PHTF1: variants seen among roughly 807,000 people sequenced by gnomAD.
PHTF1 encodes protein PHTF1.
Under a neutral mutation model 102.4 loss-of-function variants are expected in PHTF1, and 88 were observed. The observed-to-expected ratio is 0.86, with a 90% CI of 0.72 to 1.03. PHTF1 has a LOEUF of 1.03. Among genes scored for constraint, PHTF1 ranks in the 50% least tolerant of loss-of-function variants. The pLI is 0.00. For synonymous variants in PHTF1, 289 were observed against 305.2 expected, an observed-to-expected ratio of 0.95 and a Z score of 0.55; for missense variants, 814 against 909.5, an observed-to-expected ratio of 0.89 and a Z score of 1.35.
At chr1:113,745,294 A>T (rs1394221777) in intron 3 of PHTF1, among the ~76,000 whole-genome samples, 2 of 152,140 alleles carry the variant, frequency 1.3e-5, no homozygotes, top group East Asian at 3.8e-4. Flanking sequence ...GAGAAAAATA[A>T]TCAAATTTGT....
At chr1:113,700,714 C>T (rs1649340687) in intron 16 of PHTF1, 80 bp downstream of exon 16, 2 of 1,339,864 alleles carry the variant, frequency 1.5e-6, no homozygotes, top group Admixed American at 2.0e-5. Flanking sequence ...AGTGATTAAA[C>T]CCTGAATCCT....
At chr1:113,738,837 A>G (rs962256104) in intron 3 of PHTF1, 38 bp from the exon 4 acceptor site, 2 of 1,331,116 alleles carry the variant, frequency 1.5e-6, no homozygotes, top group Non-Finnish European at 2.1e-6. Context: ...TCAGAAATAA[A>G]GAAAAGCCCT....
intron 8 of PHTF1, among the ~76,000 whole-genome samples, chr1:113,712,599 T>G (rs1651299033): frequency 6.6e-6 from 1 of 152,180 alleles, no homozygotes; most frequent in African/African-American, 2.4e-5. Context: ...GAAAACAGTT[T>G]AAGACTATAA....
chr1:113,723,303 G>A (rs563038150), intron 7 of PHTF1, among the ~76,000 whole-genome samples: 6 of 151,578 alleles, frequency 4.0e-5, no homozygotes, highest in Non-Finnish European at 5.9e-5. Flanking sequence ...TCCACCTCCC[G>A]AGCAGCTGGG....
chr1:113,734,006 T>C (rs184333752), intron 5 of PHTF1, among the ~76,000 whole-genome samples: 2 of 152,330 alleles, frequency 1.3e-5, no homozygotes, highest in Non-Finnish European at 2.9e-5. Context: ...ACACCTGTAA[T>C]CCCAGCACTT....
intron 3 of PHTF1, among the ~76,000 whole-genome samples, chr1:113,753,633 G>A (rs1388396626): frequency 6.6e-6 from 1 of 151,608 alleles, no homozygotes; most frequent in Non-Finnish European, 1.5e-5. Context: ...TCACCATGTT[G>A]CCCAGGCTAG....
chr1:113,755,102 T>C (rs1016356769), intron 3 of PHTF1, among the ~76,000 whole-genome samples: 8 of 152,028 alleles, frequency 5.3e-5, no homozygotes, highest in African/African-American at 2.4e-5. Context: ...TTTAAATATA[T>C]AATTTTAAAT....
rs1445220018 is a variant in PHTF1 at position 113,700,969 on chromosome 1, AAAGTT to A, written c.1891-25_1891-21del. 6.4e-6 allele frequency: 10 copies of A among 1,570,084 alleles called. No individual in the cohort carries two copies. Among genetic ancestry groups the A allele is most frequent in the Admixed American group, 2.1e-5 (1 of 48,632 alleles). On this transcript the variant is annotated intron_variant, in intron 15 of 18. Transcript: ENST00000369604. ...GAGAACCTATACAAAGGATCAAAAA[AAAGTT>A]AAGTTTTTCATTTACCTTAAAATCA...
intron 7 of PHTF1, among the ~76,000 whole-genome samples, chr1:113,716,491 C>T (rs956922957): frequency 6.6e-6 from 1 of 151,804 alleles, no homozygotes; most frequent in Non-Finnish European, 1.5e-5. Flanking sequence ...ACCACAGGCA[C>T]AGGTCACCAC....
chr1:113,702,920 T>C (rs1571079248), intron 15 of PHTF1, among the ~76,000 whole-genome samples: 1 of 152,170 alleles, frequency 6.6e-6, no homozygotes, highest in East Asian at 1.9e-4. Context: ...GACAATTACA[T>C]GCAATATGTA....
In PHTF1 at chr1:113,704,650, A is replaced by G. The variant is rs777715484; in HGVS notation, c.1803+16T>C. ...TATTCTTGCACATACTCTATTGTTAATCAAATAAAACTCACCTTTAGATAG... is the reference window on the plus strand; with the variant it reads ...TATTCTTGCACATACTCTATTGTTAGTCAAATAAAACTCACCTTTAGATAG... On this transcript the variant is annotated intron_variant, in intron 14 of 18. Transcript: ENST00000369604. The G allele has an allele frequency of 6.4e-7, 1 of 1,559,680 alleles. No individual in the cohort carries two copies. The highest frequency in any genetic ancestry group is 1.2e-5 in the South Asian group (1 of 85,000).
At position 113,710,456 on chromosome 1, in the gene PHTF1, C is replaced by T. The variant is rs1156881759; in HGVS notation, c.1067G>A (p.Ser356Asn). 6.2e-7 allele frequency: 1 copy of T among 1,613,810 alleles called. No individual in the cohort carries two copies. The highest frequency in any genetic ancestry group is 8.5e-7 in the Non-Finnish European group (1 of 1,179,840). Residue 356 changes from serine (S) to asparagine (N), a missense_variant, in exon 11 of 19, where the codon AGT becomes AAT. Physicochemically the swap from Ser to Asn is conservative, Grantham distance 46 (BLOSUM62 1). Coordinates refer to ENST00000369604, the MANE Select transcript of PHTF1 (RefSeq NM_001323043.2). ...CATGTTGAGGCTTCGAGAGCCACCA[C>T]TCACACCCGATCTAGAGCCCTTTAA... ...AFSQGSRSGV[S>N]GGSRSLNMSR...
rs1158911437 is a variant in PHTF1 at position 113,759,010 on chromosome 1, G to C, written c.-31+13C>G. On this transcript the variant is annotated intron_variant, in intron 1 of 18. Transcript: ENST00000369604. ...GCACCCGCCTCCTTCGCTCGCCCGC[G>C]TCCGGCTCTCACCTAGTGCCCGTTG... 3 of 1,059,470 alleles carry C rather than the reference G, an allele frequency of 2.8e-6. No homozygotes were observed. In the African/African-American group the frequency reaches 5.0e-5, roughly 18 times the overall value. 65.6% of individuals were successfully genotyped at this position (1,059,470 alleles called of 1,614,324 possible).
Position 113,758,658 on chromosome 1 carries a change from C to T in PHTF1, c.45+1G>A, listed in dbSNP as rs1235038121. On this transcript the variant is annotated splice_donor_variant, in intron 2 of 18. Coordinates refer to ENST00000369604, the MANE Select transcript of PHTF1 (RefSeq NM_001323043.2). LOFTEE classifies it high-confidence loss of function. ...ATAAAAAAAATATATATATGTATTA[C>T]CTTCTTTTGGTACCACGATATAGCA... is the stretch of plus-strand genomic sequence containing the variant. 1 of 1,571,204 alleles carries T rather than the reference C, an allele frequency of 6.4e-7. No homozygotes were observed. The highest frequency in any genetic ancestry group is 8.7e-7 in the Non-Finnish European group (1 of 1,144,138).
At chr1:113,738,695 T>A in intron 4 of PHTF1, 35 bp downstream of exon 4, 1 of 1,245,678 alleles carries the variant, frequency 8.0e-7, no homozygotes, top group Non-Finnish European at 1.2e-6. Context: ...TGAAATAATA[T>A]AATAATGTAC....
intron 5 of PHTF1, among the ~76,000 whole-genome samples, chr1:113,732,798 G>A (rs897695775): frequency 1.3e-5 from 2 of 152,026 alleles, no homozygotes; most frequent in Non-Finnish European, 2.9e-5. Flanking sequence ...TAAATGTGTG[G>A]AAAAAATACT....
chr1:113,700,888 T>C lies in PHTF1; in HGVS notation c.1952A>G (p.Glu651Gly). ...DAYNWEFLIW[E>G]TALLLFLLRL... ...CAATAAAAAAAGTAGTAAAGCTGTT[T>C]CCCAGATCAAAAACTCCCAGTTATA... is the stretch of plus-strand genomic sequence containing the variant. Residue 651 changes from glutamate (E) to glycine (G), a missense_variant, in exon 16 of 19, where the codon GAA becomes GGA. Coordinates refer to ENST00000369604, the MANE Select transcript of PHTF1 (RefSeq NM_001323043.2). 2 of 1,613,304 alleles carry C rather than the reference T, an allele frequency of 1.2e-6. No homozygotes were observed. Among genetic ancestry groups the C allele is most frequent in the Non-Finnish European group, 1.7e-6 (2 of 1,179,692 alleles).
chr1:113,708,480 G>T (rs919450357), intron 11 of PHTF1, among the ~76,000 whole-genome samples: 2 of 152,140 alleles, frequency 1.3e-5, no homozygotes, highest in Non-Finnish European at 2.9e-5. Context: ...ACAAAAATTA[G>T]CCAGGTGTGG....
At chr1:113,708,041 G>A (rs1285555464) in intron 11 of PHTF1, among the ~76,000 whole-genome samples, 1 of 152,152 alleles carries the variant, frequency 6.6e-6, no homozygotes, top group Non-Finnish European at 1.5e-5. Context: ...GGAGGAGGGA[G>A]GGAATGGTCA....
Sources: gnomAD v4.1 joint callset for allele counts (sites outside exome capture counted in the v4.1 genomes callset) on GRCh38, gnomAD v4.1.1 for gene constraint, MANE v1.5 for transcripts, NCBI Gene and HGNC (gene_info 2026-07-23, HGNC 2026-07-21) for gene names.